The following PCDHGA1 variants were observed in gnomAD, a reference collection of about 807,000 sequenced individuals.
The protein encoded by PCDHGA1 is protocadherin gamma-A1.
In PCDHGA1, 32 loss-of-function variants were observed where a neutral mutation model predicts 58.0. The observed-to-expected ratio is 0.55, with a 90% confidence interval of 0.42 to 0.74. The LOEUF is 0.74. Among genes scored for constraint, PCDHGA1 ranks in the 30% least tolerant of loss-of-function variants. The probability of loss-of-function intolerance (pLI) is 0.00; values close to 1 mark genes in which losing one functional copy is unlikely to be tolerated. For missense variants in PCDHGA1, 1,205 were observed against 1,182.3 expected (o/e 1.02, Z -0.28); for synonymous variants, 498 against 501.1 (o/e 0.99, Z 0.08).
intron 1 of PCDHGA1, among the ~76,000 whole-genome samples, chr5:141,401,149 C>T (rs1398876381): frequency 6.6e-6 from 1 of 152,132 alleles, no homozygotes; most frequent in Non-Finnish European, 1.5e-5. Flanking sequence ...CAAGACCAGC[C>T]TGGGCAATAT....
chr5:141,366,376 T>C, intron 1 of PCDHGA1: 1 of 1,614,132 alleles, frequency 6.2e-7, no homozygotes, highest in Middle Eastern at 1.6e-4. Context: ...AGACCCCCAT[T>C]GACCCTGAGG....
rs751918675 is a variant in PCDHGA1 at position 141,376,240 on chromosome 5, G to A, written c.2421+43135G>A. ...TGCTGGCGCTCAGACTGCAGCGCTG[G>A]CACAAGTCACGCCTGCTGCAGGCTT... On this transcript the variant is annotated intron_variant, in intron 1 of 3. Transcript: ENST00000517417. The A allele has an allele frequency of 1.9e-6, 3 of 1,614,202 alleles. No individual in the cohort carries two copies. In the South Asian group the frequency reaches 3.3e-5, roughly 18 times the overall value.
chr5:141,379,709 C>G (rs1200100284), intron 1 of PCDHGA1: 1 of 152,094 alleles, frequency 6.6e-6, no homozygotes, highest in Non-Finnish European at 1.5e-5. Context: ...AACATCCTGG[C>G]AGTCATGGAA....
chr5:141,366,143 T>C, intron 1 of PCDHGA1: 1 of 1,614,160 alleles, frequency 6.2e-7, no homozygotes. Flanking sequence ...CGCCTGGCTG[T>C]CCTACCGCCT....
chr5:141,351,841 A>C (rs3749777), intron 1 of PCDHGA1: 1 of 1,612,968 alleles, frequency 6.2e-7, no homozygotes, highest in African/African-American at 1.3e-5. Flanking sequence ...TCGAGCTCAC[A>C]CTGCAGGCCA....
rs768265171 is a variant in PCDHGA1, at chr5:141,432,847, G to T, written c.2422-61960G>T. The T allele has an allele frequency of 6.2e-7, 1 of 1,614,180 alleles. No homozygotes were observed. On this transcript the variant is annotated intron_variant, in intron 1 of 3. Transcript: ENST00000517417. The surrounding 1 kb of genome is among the most constrained non-coding windows in gnomAD (Gnocchi z 6.0). ...ACCTCACTCTGTACCTGGTGGTAGC[G>T]GTGGCCGCGGTCTCCTGCGTCTTCC...
intron 1 of PCDHGA1, among the ~76,000 whole-genome samples, chr5:141,354,123 G>C (rs1759471548): frequency 6.6e-6 from 1 of 152,204 alleles, no homozygotes; most frequent in Non-Finnish European, 1.5e-5. Flanking sequence ...AGTAAAGTTA[G>C]AAATTGTAAA....
chr5:141,458,408 C>T (rs895785923), intron 1 of PCDHGA1, among the ~76,000 whole-genome samples: 3 of 151,932 alleles, frequency 2.0e-5, no homozygotes, highest in Non-Finnish European at 2.9e-5. Context: ...AGAGACGGAG[C>T]GGGGGTTCCA....
chr5:141,408,390 C>T (rs375719639), intron 1 of PCDHGA1: 1 of 1,613,902 alleles, frequency 6.2e-7, no homozygotes, highest in East Asian at 2.2e-5. Context: ...GATGTGTCGG[C>T]TCGCAAGCTG....
chr5:141,419,334 T>C (rs1260087339), intron 1 of PCDHGA1: 3 of 1,613,870 alleles, frequency 1.9e-6, no homozygotes, highest in Non-Finnish European at 8.5e-7. Flanking sequence ...TACTCTCTCA[T>C]TGCCAGCGAC....
chr5:141,401,370 G>A (rs1226150761), intron 1 of PCDHGA1, among the ~76,000 whole-genome samples: 1 of 152,028 alleles, frequency 6.6e-6, no homozygotes, highest in Non-Finnish European at 1.5e-5. Flanking sequence ...AGGAGAGGAA[G>A]AAGAAGAAAA....
intron 1 of PCDHGA1, among the ~76,000 whole-genome samples, chr5:141,481,950 T>C (rs1378337886): frequency 2.7e-5 from 4 of 146,216 alleles, no homozygotes; most frequent in Admixed American, 1.4e-4. Flanking sequence ...CCAGATGTGG[T>C]GGCAGGTGCC....
At chr5:141,345,830 C>A in intron 1 of PCDHGA1, 1 of 1,613,572 alleles carries the variant, frequency 6.2e-7, no homozygotes, top group South Asian at 1.1e-5. Flanking sequence ...GAGACTCGGG[C>A]CAGAACGCCT....
rs777751826 is a variant in PCDHGA1, at chr5:141,371,625, G to T, written c.2421+38520G>T. 2.4e-5 allele frequency: 38 copies of T among 1,613,874 alleles called. No homozygotes were observed. The highest frequency in any genetic ancestry group is 3.3e-5 in the Admixed American group (2 of 60,014). ...CAGGTTGGTGACAGATGGAGCCCTG[G>T]ACCGGGAGCAGATCCCAGAATACAA... On this transcript the variant is annotated intron_variant, in intron 1 of 3. Coordinates refer to ENST00000517417, the MANE Select transcript of PCDHGA1 (RefSeq NM_018912.3).
At chr5:141,423,123 A>C in intron 1 of PCDHGA1, 1 of 1,613,760 alleles carries the variant, frequency 6.2e-7, no homozygotes. Flanking sequence ...CAGCGCGGGC[A>C]CTGCTGGACA....
At chr5:141,366,199 G>C (rs1764397175) in intron 1 of PCDHGA1, 1 of 1,613,876 alleles carries the variant, frequency 6.2e-7, no homozygotes, top group Non-Finnish European at 8.5e-7. Flanking sequence ...GGCTGCACAC[G>C]GGCGAGGTGC....
intron 1 of PCDHGA1, chr5:141,377,877 A>T (rs2150119118): frequency 6.6e-6 from 1 of 152,320 alleles, no homozygotes; most frequent in South Asian, 2.1e-4. Flanking sequence ...TTCTCTTATC[A>T]GAGATAGGAT....
chr5:141,407,088 GT>G lies in PCDHGA1; in HGVS notation c.2421+73987del, dbSNP rs571130014. Among the ~76,000 whole-genome samples, 18 of 152,174 alleles carry G rather than the reference GT, an allele frequency of 1.2e-4. No individual in the cohort carries two copies. The East Asian group carries it at 3.5e-3, about 29-fold the overall frequency. On this transcript the variant is annotated intron_variant, in intron 1 of 3. Coordinates refer to ENST00000517417, the MANE Select transcript of PCDHGA1 (RefSeq NM_018912.3). ...GGCATTTCTGTGGAAATGAAGAATT[GT>G]TTTATTTGTTTGTAATTATTTGGGT...
chr5:141,385,638 T>C lies in PCDHGA1; in HGVS notation c.2421+52533T>C, dbSNP rs773812795. 80 of 831,646 alleles carry C rather than the reference T, an allele frequency of 9.6e-5. 1 individual carries two copies. Among genetic ancestry groups the C allele is most frequent in the Non-Finnish European group, 1.2e-4 (78 of 652,914 alleles). 51.5% of individuals were successfully genotyped at this position (831,646 alleles called of 1,614,324 possible). A position where few individuals can be genotyped will look rare whatever the true frequency, so the allele number is the denominator to read the frequency against. ...TATACATTGGAATGAATCGAGTCTT[T>C]CATATTGCACAAGGTTAGCAGGAAT... is the stretch of plus-strand genomic sequence containing the variant. On this transcript the variant is annotated intron_variant, in intron 1 of 3. Transcript: ENST00000517417.
Sources: allele counts gnomAD v4.1 joint callset (sites outside exome capture counted in the v4.1 genomes callset), GRCh38; gene constraint gnomAD v4.1.1; non-coding constraint Gnocchi (gnomAD v3.1); transcripts MANE v1.5; gene names NCBI Gene and HGNC (gene_info 2026-07-23, HGNC 2026-07-21).